Variants in SYNPO observed in about 807,000 individuals in gnomAD.
SYNPO encodes synaptopodin.
In SYNPO, 19 loss-of-function variants were observed where a neutral mutation model predicts 49.5. The ratio of observed to expected loss-of-function variants is 0.38; its 90% CI spans 0.27 to 0.56. SYNPO has a LOEUF of 0.56. SYNPO is among the 20% of genes least tolerant of loss of function. The pLI, the probability that SYNPO is intolerant of heterozygous loss-of-function variation, is 0.68. For missense variants in SYNPO, 1,131 were observed against 1,248.3 expected, an observed-to-expected ratio of 0.91 and a Z score of 1.42; for synonymous variants, 536 against 548.0, an observed-to-expected ratio of 0.98 and a Z score of 0.31.
intron 2 of SYNPO, among the ~76,000 whole-genome samples, chr5:150,623,186 T>C (rs569439868): frequency 6.6e-6 from 1 of 152,348 alleles, no homozygotes; most frequent in African/African-American, 2.4e-5. Flanking sequence ...TAGATACAGG[T>C]GAAAAGCATG....
chr5:150,655,167 TAATA>T, intron 2 of SYNPO, among the ~76,000 whole-genome samples: 1 of 152,248 alleles, frequency 6.6e-6, no homozygotes, highest in East Asian at 1.9e-4. Context: ...TTAATTTTGA[TAATA>T]GATAATACAT....
chr5:150,650,289 G>A lies in SYNPO; in HGVS notation c.2014G>A (p.Gly672Arg), dbSNP rs139101616. ...GCCCTCCTTCTCTACCCGGAACGCCGGGATCGAGGCTCAGGTGTGGAAGCC... is the reference window on the plus strand; with the variant it reads ...GCCCTCCTTCTCTACCCGGAACGCCAGGATCGAGGCTCAGGTGTGGAAGCC... ...PRPSFSTRNA[G>R]IEAQDRRESL... The change falls in exon 2 of 3, where the codon GGG becomes AGG. Residue 672 changes from glycine (G) to arginine (R), a missense_variant. By Grantham distance (125) the Gly-to-Arg change is moderately radical. This residue lies in a region of SYNPO where 509 missense variants were observed against 484.5 expected (regional missense o/e 1.05). Coordinates refer to ENST00000307662, the MANE Select transcript of SYNPO (RefSeq NM_007286.6). 4.3e-6 allele frequency: 7 copies of A among 1,614,016 alleles called. No individual in the cohort carries two copies. The highest frequency in any genetic ancestry group is 2.2e-5 in the South Asian group (2 of 91,086).
chr5:150,651,309 C>T (rs879652822), intron 2 of SYNPO: 10 of 1,000,774 alleles, frequency 1.0e-5, no homozygotes, highest in Non-Finnish European at 1.2e-5. Flanking sequence ...CCCATGTCAC[C>T]TTCTCATTTG....
At chr5:150,602,222 G>A (rs574792672) in intron 1 of SYNPO, among the ~76,000 whole-genome samples, 3 of 152,212 alleles carry the variant, frequency 2.0e-5, no homozygotes, top group Admixed American at 6.5e-5. Flanking sequence ...CTTACTGGGC[G>A]CCAGGCTCTG....
Position 150,648,310 on chromosome 5 carries a change from G to C in SYNPO, c.35G>C (p.Arg12Pro). The change falls in exon 2 of 3, where the codon CGG becomes CCG. Residue 12 changes from arginine (R) to proline (P), a missense_variant. This residue lies in a region of SYNPO where 16 missense variants were observed against 20.9 expected (regional missense o/e 0.77). Transcript: ENST00000307662. This position sits in a 1 kb window ranked among gnomAD's most constrained non-coding sequence, Gnocchi z 5.0. ...EGYSEEASLLRHLEKVASEEE... is the reference protein window; with the variant it reads ...EGYSEEASLLPHLEKVASEEE... ...TACTCAGAGGAGGCTAGCTTGCTGC[G>C]GCACCTGGAGAAGGTGGCCAGTGAG... 1 of 1,614,168 alleles carries C rather than the reference G, an allele frequency of 6.2e-7. No individual in the cohort carries two copies. The highest frequency in any genetic ancestry group is 8.5e-7 in the Non-Finnish European group (1 of 1,180,020).
In SYNPO at chr5:150,629,662, C is replaced by G. The variant is rs539798385; in HGVS notation, c.400+10895C>G. On this transcript the variant is annotated intron_variant, in intron 2 of 2. Transcript: ENST00000394243. ...CGTGTAATCCTCCAGAATAAAATCT[C>G]TTAGAGTCTAAGAGTGCTTGAAAGA... Among the ~76,000 whole-genome samples the G allele has an allele frequency of 1.3e-4, 20 of 152,262 alleles. No homozygotes were observed. The South Asian group carries it at 3.9e-3, about 30-fold the overall frequency.
rs1276465360 is a variant in SYNPO, at chr5:150,656,671, C to T, written c.2296C>T (p.Arg766Trp). The T allele has an allele frequency of 7.4e-6, 11 of 1,492,176 alleles. No homozygotes were observed. Among genetic ancestry groups the T allele is most frequent in the Non-Finnish European group, 8.9e-6 (10 of 1,128,442 alleles). 92.4% of individuals were successfully genotyped at this position (1,492,176 alleles called of 1,614,324 possible). Residue 766 changes from arginine to tryptophan, a missense_variant, in exon 3 of 3, where the codon CGG becomes TGG. Physicochemically the swap from Arg to Trp is moderately radical, Grantham distance 101 (BLOSUM62 -3). This residue lies in a region of SYNPO where 509 missense variants were observed against 484.5 expected (regional missense o/e 1.05). Coordinates refer to ENST00000307662, the MANE Select transcript of SYNPO (RefSeq NM_007286.6). The part of the protein sequence containing the change: ...LLARNIINAA[R>W]RKSASPRSAG... ...GGCGCGAAACATCATCAATGCGGCCCGGCGCAAGAGCGCCTCCCCGCGGTC... is the reference window on the plus strand; with the variant it reads ...GGCGCGAAACATCATCAATGCGGCCTGGCGCAAGAGCGCCTCCCCGCGGTC...
the SYNPO span, among the ~76,000 whole-genome samples, chr5:150,586,240 G>A: frequency 2.0e-5 from 3 of 152,354 alleles, no homozygotes; most frequent in South Asian, 6.2e-4. Context: ...AGGCAGCTGA[G>A]GCCACTGCTG....
the SYNPO span, among the ~76,000 whole-genome samples, chr5:150,591,365 C>G: frequency 1.3e-5 from 2 of 152,202 alleles, no homozygotes; most frequent in South Asian, 4.1e-4. Context: ...CCCAGAACTG[C>G]AGCATGCGCA....
At chr5:150,640,535 A>G, upstream of SYNPO, 1 of 549,230 alleles carries the variant, frequency 1.8e-6, no homozygotes, top group Non-Finnish European at 2.3e-6. Flanking sequence ...TTTGAGCAGG[A>G]GAGAGGCATG....
At chr5:150,634,509 G>A (rs1225854277) in intron 2 of SYNPO, among the ~76,000 whole-genome samples, 1 of 152,104 alleles carries the variant, frequency 6.6e-6, no homozygotes, top group East Asian at 1.9e-4. Flanking sequence ...CCCATTTAAT[G>A]GCAATAAGGA....
chr5:150,595,249 G>A, the SYNPO span, among the ~76,000 whole-genome samples: 166 of 152,346 alleles, frequency 1.1e-3, 2 homozygotes, highest in African/African-American at 3.6e-3. Context: ...GCATGCGATG[G>A]CATTTGGGAA....
At chr5:150,644,035 C>A (rs968046801) in intron 1 of SYNPO, among the ~76,000 whole-genome samples, 3 of 152,002 alleles carry the variant, frequency 2.0e-5, no homozygotes, top group Non-Finnish European at 4.4e-5. Context: ...ATTAGCCAGG[C>A]ATAGTGGCAT....
At chr5:150,650,646 G>A in intron 2 of SYNPO, 2 of 1,434,972 alleles carry the variant, frequency 1.4e-6, no homozygotes, top group Admixed American at 5.9e-5. Context: ...GAGCTGTAGG[G>A]ATGCAGAGTC....
At chr5:150,612,979 A>G (rs1217692728) in intron 1 of SYNPO, among the ~76,000 whole-genome samples, 1 of 152,028 alleles carries the variant, frequency 6.6e-6, no homozygotes, top group Non-Finnish European at 1.5e-5. Flanking sequence ...GGGTCTCACT[A>G]TGTTGCTCAG....
At chr5:150,651,946 G>C in intron 2 of SYNPO, 1 of 1,000,498 alleles carries the variant, frequency 1.0e-6, no homozygotes. Flanking sequence ...TCGCAAGGCT[G>C]GGGGCCGAGG....
intron 1 of SYNPO, among the ~76,000 whole-genome samples, chr5:150,604,086 T>C (rs1756626103): frequency 6.6e-6 from 1 of 152,208 alleles, no homozygotes; most frequent in South Asian, 2.1e-4. Context: ...AGCCTCTGCC[T>C]GCAGAACATG....
intron 2 of SYNPO, among the ~76,000 whole-genome samples, chr5:150,631,504 C>G (rs564731153): frequency 4.2e-4 from 64 of 152,246 alleles, no homozygotes; most frequent in Admixed American, 9.8e-4. Context: ...ATGGCTGGAG[C>G]CTGGCAGGCT....
At chr5:150,639,184 G>T (rs897035640), upstream of SYNPO, among the ~76,000 whole-genome samples, 1 of 152,246 alleles carries the variant, frequency 6.6e-6, no homozygotes, top group Non-Finnish European at 1.5e-5. Flanking sequence ...GGTCTGCAAG[G>T]ATAGAAGATG....
Sources: gnomAD v4.1 joint callset for allele counts (sites outside exome capture counted in the v4.1 genomes callset) on GRCh38, gnomAD v4.1.1 for gene constraint, gnomAD v4.1.1 regional missense constraint, Gnocchi (gnomAD v3.1) non-coding constraint, MANE v1.5 for transcripts, NCBI Gene and HGNC (gene_info 2026-07-23, HGNC 2026-07-21) for gene names.